The following C11orf65 variants were observed in gnomAD, a reference collection of about 807,000 sequenced individuals.
C11orf65 encodes the protein protein MFI.
In C11orf65, 38 loss-of-function variants were observed where a neutral mutation model predicts 35.3. The observed-to-expected ratio is 1.08, with a 90% CI of 0.83 to 1.41. C11orf65 has a LOEUF of 1.41. Among genes scored for constraint, C11orf65 ranks in the 40% most tolerant of loss-of-function variants. The probability of loss-of-function intolerance (pLI) is 0.00; values close to 1 mark genes in which losing one functional copy is unlikely to be tolerated. For synonymous variants in C11orf65, 105 were observed against 114.4 expected, an observed-to-expected ratio of 0.92 and a Z score of 0.53; for missense variants, 370 against 367.1, an observed-to-expected ratio of 1.01 and a Z score of -0.06.
At chr11:108,441,042 G>A (rs1470880069) in intron 2 of C11orf65, among the ~76,000 whole-genome samples, 5 of 152,202 alleles carry the variant, frequency 3.3e-5, no homozygotes, top group African/African-American at 7.2e-5. Flanking sequence ...CCCAGGAAGT[G>A]CAAGGGGTTG....
intron 2 of C11orf65, among the ~76,000 whole-genome samples, chr11:108,342,803 G>A (rs1030885236): frequency 2.0e-5 from 3 of 152,108 alleles, no homozygotes; most frequent in Non-Finnish European, 2.9e-5. Context: ...CAATAATGAA[G>A]TTACACTAAA....
chr11:108,344,851 AAGTC>A (rs957798187), intron 2 of C11orf65, among the ~76,000 whole-genome samples: 32 of 151,928 alleles, frequency 2.1e-4, no homozygotes, highest in African/African-American at 7.5e-4. Flanking sequence ...AAAAAATAAA[AAGTC>A]AGCCAGGTAA....
At chr11:108,420,182 G>C (rs777625461) in intron 3 of C11orf65, among the ~76,000 whole-genome samples, 2 of 152,148 alleles carry the variant, frequency 1.3e-5, no homozygotes, top group Non-Finnish European at 2.9e-5. Flanking sequence ...TCTAGCAAAA[G>C]ATATGTAAGA....
chr11:108,440,406 C>T (rs759348228), intron 2 of C11orf65, among the ~76,000 whole-genome samples: 11 of 152,178 alleles, frequency 7.2e-5, no homozygotes, highest in Non-Finnish European at 1.3e-4. Flanking sequence ...ATGACTTGAA[C>T]AGTAGAAATG....
At chr11:108,359,058 G>C (rs901301352) in intron 2 of C11orf65, among the ~76,000 whole-genome samples, 1 of 148,664 alleles carries the variant, frequency 6.7e-6, no homozygotes, top group African/African-American at 2.5e-5. Context: ...CCCATCTCAC[G>C]TGCAGAGACA....
intron 7 of C11orf65, among the ~76,000 whole-genome samples, chr11:108,386,270 ATG>A (rs1555159474): frequency 9.2e-5 from 14 of 152,308 alleles, no homozygotes; most frequent in Non-Finnish European, 5.9e-5. Flanking sequence ...CAGAAAGATC[ATG>A]TCCTCAGCTG....
At chr11:108,392,204 G>T (rs2092180033) in intron 7 of C11orf65, among the ~76,000 whole-genome samples, 1 of 151,990 alleles carries the variant, frequency 6.6e-6, no homozygotes, top group Non-Finnish European at 1.5e-5. Context: ...GCACCAGCAG[G>T]CCTGGGATAA....
intron 2 of C11orf65, among the ~76,000 whole-genome samples, chr11:108,440,277 C>A (rs954165098): frequency 1.3e-5 from 2 of 152,168 alleles, no homozygotes; most frequent in African/African-American, 4.8e-5. Context: ...TACCTCAAAA[C>A]TTAGTAGTGT....
At chr11:108,464,696 A>G (rs1303031518) in intron 1 of C11orf65, among the ~76,000 whole-genome samples, 1 of 152,084 alleles carries the variant, frequency 6.6e-6, no homozygotes, top group Non-Finnish European at 1.5e-5. Flanking sequence ...CTGGAAAGGG[A>G]TATGAGAAAT....
At chr11:108,416,404 G>A (rs7112136) in intron 3 of C11orf65, among the ~76,000 whole-genome samples, 81,681 of 151,966 alleles carry the variant, frequency 0.54, 22,546 homozygotes, top group Middle Eastern at 0.74. Flanking sequence ...ATGAGGGCCC[G>A]GGCATGGTGG....
intron 3 of C11orf65, among the ~76,000 whole-genome samples, chr11:108,430,872 A>C: frequency 6.8e-6 from 1 of 147,670 alleles, no homozygotes; most frequent in Non-Finnish European, 1.5e-5. Context: ...AAACAAAAAA[A>C]AACCCAAAAC....
At chr11:108,327,595 T>C, downstream of C11orf65, 2 of 1,441,886 alleles carry the variant, frequency 1.4e-6, no homozygotes, top group South Asian at 2.3e-5. Flanking sequence ...GGCAGTTGGG[T>C]ACAGTCATGG....
intron 6 of C11orf65, chr11:108,310,338 G>T (rs1277471379): frequency 1.9e-6 from 3 of 1,604,596 alleles, no homozygotes; most frequent in South Asian, 1.1e-5. Flanking sequence ...AGAATTTTTG[G>T]TTTTTAAAAT....
At chr11:108,458,976 T>C (rs958417592) in intron 2 of C11orf65, among the ~76,000 whole-genome samples, 7 of 152,216 alleles carry the variant, frequency 4.6e-5, no homozygotes, top group Non-Finnish European at 1.0e-4. Context: ...TTCTAGGCGC[T>C]AGTACGAGTA....
Position 108,405,376 on chromosome 11 carries a change from G to GT in C11orf65, c.560+52dup, listed in dbSNP as rs937217961. ...AGGAGCAATACCTCATTTCAAATTT[G>GT]TTTTTTTCCCAAAATACTACGTATT... On this transcript the variant is annotated intron_variant, in intron 6 of 8. Coordinates refer to ENST00000393084, the MANE Select transcript of C11orf65 (RefSeq NM_152587.5). 1.4e-5 allele frequency: 22 copies of GT among 1,578,998 alleles called. No individual in the cohort carries two copies. The African/African-American group carries it at 1.8e-4, about 13-fold the overall frequency.
intron 2 of C11orf65, among the ~76,000 whole-genome samples, chr11:108,374,000 C>A (rs956935935): frequency 3.3e-5 from 5 of 152,246 alleles, no homozygotes; most frequent in Non-Finnish European, 5.9e-5. Flanking sequence ...CCCAGGCTCG[C>A]TTAGGTAAAC....
chr11:108,339,717 C>T (rs1159800538), intron 2 of C11orf65, among the ~76,000 whole-genome samples: 1 of 152,006 alleles, frequency 6.6e-6, no homozygotes, highest in Non-Finnish European at 1.5e-5. Context: ...AATCTCTCAA[C>T]AAAAAATAAG....
chr11:108,441,456 C>T (rs1381221310), intron 2 of C11orf65, among the ~76,000 whole-genome samples: 1 of 152,222 alleles, frequency 6.6e-6, no homozygotes, highest in Admixed American at 6.5e-5. Flanking sequence ...CCCTGTCTGA[C>T]AGCTTTGAAA....
chr11:108,381,000 A>T (rs1194085109), downstream of C11orf65, among the ~76,000 whole-genome samples: 2 of 152,234 alleles, frequency 1.3e-5, no homozygotes, highest in Non-Finnish European at 2.9e-5. Context: ...TAGTCCTATC[A>T]TATGCCACAC....
Sources: allele counts gnomAD v4.1 joint callset (sites outside exome capture counted in the v4.1 genomes callset), GRCh38; gene constraint gnomAD v4.1.1; transcripts MANE v1.5; gene names NCBI Gene and HGNC (gene_info 2026-07-23, HGNC 2026-07-21).